The following SLIT3 variants were observed in gnomAD, a reference collection of about 807,000 sequenced individuals.
The protein encoded by SLIT3 is slit guidance ligand 3.
Under a neutral mutation model 184.0 loss-of-function variants are expected in SLIT3, and 68 were observed. That is an observed-to-expected ratio of 0.37 (90% CI 0.30 to 0.45). The LOEUF is 0.45. Among genes scored for constraint, SLIT3 ranks in the 20% least tolerant of loss-of-function variants. SLIT3 has a pLI of 1.00. For missense variants in SLIT3, 1,707 were observed against 2,026.0 expected (o/e 0.84, Z 3.02); for synonymous variants, 831 against 828.6 (o/e 1.00, Z -0.05).
At chr5:168,746,455 TGTGGTGGTGTGCG>T (rs1451228740) in intron 20 of SLIT3, among the ~76,000 whole-genome samples, 2 of 67,998 alleles carry the variant, frequency 2.9e-5, no homozygotes, top group African/African-American at 1.2e-4. Flanking sequence ...TGTGGCAGTG[TGTGGTGGTGTGCG>T]GTGGTGTGGG....
intron 4 of SLIT3, among the ~76,000 whole-genome samples, chr5:168,946,361 C>T (rs1237551050): frequency 6.6e-6 from 1 of 152,182 alleles, no homozygotes; most frequent in African/African-American, 2.4e-5. Flanking sequence ...TAGTATCACC[C>T]ACAGATGCTA....
intron 16 of SLIT3, among the ~76,000 whole-genome samples, chr5:168,755,431 T>TCCTCTCTCTC (rs1754897509): frequency 2.1e-5 from 1 of 47,168 alleles, no homozygotes; most frequent in Non-Finnish European, 4.1e-5. Context: ...CTTTCTTTCT[T>TCCTCTCTCTC]TCTTTCTTTC....
At chr5:168,792,546 G>T (rs1268375658) in intron 10 of SLIT3, among the ~76,000 whole-genome samples, 3 of 152,308 alleles carry the variant, frequency 2.0e-5, no homozygotes, top group African/African-American at 7.2e-5. Flanking sequence ...CAGAATAGAG[G>T]TGGCAAATTC....
rs1403251616 is a variant in SLIT3 at position 168,666,692 on chromosome 5, G to A, written c.4337-3C>T. ...TACTTGTCCCAGGCACGGATTCTCT[G>A]CAGAGGGCATAGAAGTCAGGGCATT... On this transcript the variant is annotated splice_region_variant and splice_polypyrimidine_tract_variant and intron_variant, in intron 35 of 35. Transcript: ENST00000519560. 2.5e-6 allele frequency: 4 copies of A among 1,613,998 alleles called. No homozygotes were observed. The highest frequency in any genetic ancestry group is 1.3e-5 in the African/African-American group (1 of 74,930).
intron 6 of SLIT3, among the ~76,000 whole-genome samples, chr5:168,842,472 T>G (rs1396051854): frequency 8.1e-6 from 1 of 123,672 alleles, no homozygotes; most frequent in African/African-American, 3.2e-5. Context: ...TTTTTTCGTT[T>G]TTTTTTTTTT....
At chr5:169,116,392 G>T (rs1299764055) in intron 4 of SLIT3, among the ~76,000 whole-genome samples, 2 of 152,070 alleles carry the variant, frequency 1.3e-5, no homozygotes, top group Non-Finnish European at 2.9e-5. Context: ...AGGATACAAT[G>T]TTAGGACTTC....
At chr5:169,189,572 A>ATATATATG (rs1763478832) in intron 4 of SLIT3, among the ~76,000 whole-genome samples, 1 of 90,572 alleles carries the variant, frequency 1.1e-5, no homozygotes, top group African/African-American at 4.5e-5. Context: ...ATATATATAT[A>ATATATATG]TATATATGCA....
At chr5:168,799,278 A>G (rs1200534434) in intron 9 of SLIT3, among the ~76,000 whole-genome samples, 2 of 152,234 alleles carry the variant, frequency 1.3e-5, no homozygotes, top group African/African-American at 4.8e-5. Context: ...GCATCAGCAA[A>G]AACTGTCACA....
chr5:169,108,514 G>A (rs1044862440), intron 4 of SLIT3, among the ~76,000 whole-genome samples: 3 of 152,232 alleles, frequency 2.0e-5, no homozygotes, highest in Admixed American at 1.3e-4. Context: ...GGGCACAAAG[G>A]AGAGATTGGC....
chr5:168,912,941 T>A (rs928552689), intron 4 of SLIT3, among the ~76,000 whole-genome samples: 9 of 152,302 alleles, frequency 5.9e-5, no homozygotes, highest in Admixed American at 1.3e-4. Flanking sequence ...TCATTCGGCT[T>A]AGGTATTCCA....
chr5:169,141,683 A>G (rs1265451412), intron 4 of SLIT3, among the ~76,000 whole-genome samples: 7 of 146,178 alleles, frequency 4.8e-5, no homozygotes, highest in Admixed American at 6.8e-5. Context: ...AGCTTGCAGT[A>G]AGCCGAGATC....
At chr5:169,276,268 T>C (rs1766802487) in intron 1 of SLIT3, among the ~76,000 whole-genome samples, 1 of 152,200 alleles carries the variant, frequency 6.6e-6, no homozygotes, top group African/African-American at 2.4e-5. Flanking sequence ...TTCTCCCAGA[T>C]GCCAGCTGCG....
chr5:169,165,636 GTCT>G (rs1280348389), intron 4 of SLIT3, among the ~76,000 whole-genome samples: 2 of 152,020 alleles, frequency 1.3e-5, no homozygotes, highest in African/African-American at 2.4e-5. Context: ...CCTTCTTCAA[GTCT>G]TCTTCAAGTC....
intron 5 of SLIT3, among the ~76,000 whole-genome samples, chr5:168,878,134 C>T (rs1031854137): frequency 6.6e-6 from 1 of 152,168 alleles, no homozygotes; most frequent in African/African-American, 2.4e-5. Context: ...TTTCTTCATC[C>T]AGATCACTTT....
intron 4 of SLIT3, among the ~76,000 whole-genome samples, chr5:168,926,557 G>A (rs1211163650): frequency 6.6e-6 from 1 of 152,084 alleles, no homozygotes; most frequent in African/African-American, 2.4e-5. Flanking sequence ...CTTTCCTACC[G>A]GCAGACCTAT....
At chr5:168,672,754 G>A (rs1253763907) in intron 33 of SLIT3, among the ~76,000 whole-genome samples, 3 of 152,194 alleles carry the variant, frequency 2.0e-5, no homozygotes, top group African/African-American at 7.2e-5. Context: ...GATTACAGGT[G>A]TGAGCCACTG....
chr5:168,796,298 C>A (rs528372746), intron 9 of SLIT3, among the ~76,000 whole-genome samples: 6 of 152,358 alleles, frequency 3.9e-5, no homozygotes, highest in African/African-American at 1.4e-4. Context: ...GCCCAGGGCC[C>A]AGAACTTCCT....
intron 4 of SLIT3, among the ~76,000 whole-genome samples, chr5:169,158,732 C>T (rs1762385115): frequency 6.6e-6 from 1 of 152,078 alleles, no homozygotes; most frequent in Admixed American, 6.6e-5. Flanking sequence ...TTCAGTTTAA[C>T]TAGTAAATTG....
rs191937801 is a variant in SLIT3, at chr5:168,762,734, C to T, written c.1460-45G>A. On this transcript the variant is annotated intron_variant, in intron 14 of 35. Transcript: ENST00000519560. ...GGACGTCAGCGTCACCCGAGTTCCA[C>T]GCACAGCCCCAGGTTGTGGGTAGTG... 6,815 of 1,599,258 alleles carry T rather than the reference C, an allele frequency of 4.3e-3. 21 individuals carry two copies. The highest frequency in any genetic ancestry group is 5.5e-3 in the Non-Finnish European group (6,494 of 1,172,098).
Sources: gnomAD v4.1 joint callset for allele counts (sites outside exome capture counted in the v4.1 genomes callset) on GRCh38, gnomAD v4.1.1 for gene constraint, MANE v1.5 for transcripts, NCBI Gene and HGNC (gene_info 2026-07-23, HGNC 2026-07-21) for gene names.